Variants in DIAPH2 observed in about 807,000 individuals in gnomAD.
The protein encoded by DIAPH2 is diaphanous related formin 2, also known as protein diaphanous homolog 2.
Under a neutral mutation model 92.7 loss-of-function variants are expected in DIAPH2, and 35 were observed. The ratio of observed to expected loss-of-function variants is 0.38; its 90% CI spans 0.29 to 0.50. The LOEUF (loss-of-function observed/expected upper bound fraction) is 0.50. DIAPH2 is among the 20% of genes least tolerant of loss of function. The pLI, the probability that DIAPH2 is intolerant of heterozygous loss-of-function variation, is 0.94. For missense variants in DIAPH2, 701 were observed against 819.5 expected (o/e 0.86, Z 1.77); for synonymous variants, 301 against 280.4 (o/e 1.07, Z -0.73).
chrX:96,881,877 T>TA (rs1169081401), intron 5 of DIAPH2, among the ~76,000 whole-genome samples, 159 bp downstream of exon 5: 2 of 111,842 alleles, frequency 1.8e-5, no homozygotes, highest in Non-Finnish European at 3.8e-5. Flanking sequence ...CGTAAACTTT[T>TA]AAAAATATAT....
At chrX:97,160,325 A>G (rs112320534) in intron 22 of DIAPH2, among the ~76,000 whole-genome samples, 1,565 of 112,141 alleles carry the variant, frequency 0.014, 29 homozygotes, top group African/African-American at 0.049. Flanking sequence ...ATAGAACCGG[A>G]AGAGAACAGA....
chrX:96,708,657 G>A (rs1348129186), intron 1 of DIAPH2, among the ~76,000 whole-genome samples: 1 of 112,265 alleles, frequency 8.9e-6, no homozygotes, highest in East Asian at 2.8e-4. Context: ...ATTTTTGAAT[G>A]TACTTTATTG....
chrX:96,954,399 A>G (rs2065796420), intron 15 of DIAPH2, among the ~76,000 whole-genome samples: 1 of 112,379 alleles, frequency 8.9e-6, no homozygotes, highest in Admixed American at 9.4e-5. Flanking sequence ...AATCATCTCT[A>G]AAAAGAACAT....
At chrX:96,772,667 T>C (rs1426803434) in intron 4 of DIAPH2, among the ~76,000 whole-genome samples, 1 of 112,235 alleles carries the variant, frequency 8.9e-6, no homozygotes, top group South Asian at 3.7e-4. Flanking sequence ...ATTAATTGCA[T>C]GTGCTTTTAT....
chrX:96,732,938 GAGA>G (rs2064064678), intron 1 of DIAPH2, among the ~76,000 whole-genome samples: 1 of 112,147 alleles, frequency 8.9e-6, no homozygotes, highest in Non-Finnish European at 1.9e-5. Context: ...GGGATCATAA[GAGA>G]AGAAGTAGAA....
At chrX:97,284,141 T>C (rs2068520991) in intron 23 of DIAPH2, among the ~76,000 whole-genome samples, 2 of 111,365 alleles carry the variant, frequency 1.8e-5, no homozygotes, top group Admixed American at 1.9e-4. Context: ...AGAAGTTATT[T>C]ACCAACTTGT....
chrX:97,323,363 G>A (rs1301210308), intron 23 of DIAPH2, among the ~76,000 whole-genome samples: 1 of 103,453 alleles, frequency 9.7e-6, no homozygotes, highest in Non-Finnish European at 2.0e-5. Flanking sequence ...AGGCCGAGGC[G>A]GGCGGATCAC....
At chrX:97,390,339 C>T (rs2147739102) in intron 25 of DIAPH2, among the ~76,000 whole-genome samples, 1 of 105,102 alleles carries the variant, frequency 9.5e-6, no homozygotes, top group South Asian at 4.5e-4. Context: ...CCCACGTCAG[C>T]CTCCCCAGTA....
intron 1 of DIAPH2, among the ~76,000 whole-genome samples, chrX:96,725,355 A>G (rs2064014576): frequency 8.9e-6 from 1 of 112,050 alleles, no homozygotes; most frequent in African/African-American, 3.2e-5. Flanking sequence ...TCTGAAGCCC[A>G]TTGGGGGAAA....
intron 23 of DIAPH2, among the ~76,000 whole-genome samples, chrX:97,307,908 CAAAAAAAAAA>C (rs34217377): frequency 5.1e-4 from 33 of 64,837 alleles, no homozygotes; most frequent in African/African-American, 1.8e-3. Context: ...GACTCTGTCT[CAAAAAAAAAA>C]AAAAAAAAGA....
chrX:96,978,793 C>T (rs5921036), intron 17 of DIAPH2, among the ~76,000 whole-genome samples: 4,421 of 110,848 alleles, frequency 0.04, 105 homozygotes, highest in Middle Eastern at 0.085. Flanking sequence ...TTCAAAGTTC[C>T]TCACAAGGCT....
chrX:96,865,122 CAGA>C (rs756216812), intron 4 of DIAPH2, among the ~76,000 whole-genome samples: 1 of 111,948 alleles, frequency 8.9e-6, no homozygotes, highest in Non-Finnish European at 1.9e-5. Context: ...AGATAGTCAA[CAGA>C]AGAATAAACA....
intron 26 of DIAPH2, among the ~76,000 whole-genome samples, chrX:97,517,160 C>T (rs1420028319): frequency 1.8e-5 from 2 of 111,472 alleles, no homozygotes; most frequent in African/African-American, 3.3e-5. Flanking sequence ...ACCAGAGTCC[C>T]CATTCAAACA....
chrX:97,278,461 C>T (rs1415470768), intron 23 of DIAPH2, among the ~76,000 whole-genome samples: 1 of 111,143 alleles, frequency 9.0e-6, no homozygotes, highest in Non-Finnish European at 1.9e-5. Flanking sequence ...CCTAAAAATC[C>T]CCTATGCTCT....
intron 19 of DIAPH2, among the ~76,000 whole-genome samples, chrX:97,085,684 T>A (rs1369685733): frequency 1.8e-5 from 2 of 111,836 alleles, no homozygotes; most frequent in Non-Finnish European, 3.8e-5. Flanking sequence ...CCCAAAGTGC[T>A]AGGATTACAG....
At chrX:96,941,652 G>A (rs144521633) in intron 12 of DIAPH2, among the ~76,000 whole-genome samples, 4,349 of 111,067 alleles carry the variant, frequency 0.039, 102 homozygotes, top group Middle Eastern at 0.083. Flanking sequence ...CTGTGGATGC[G>A]TAGAACCATT....
chrX:96,835,403 G>A (rs151216902), intron 4 of DIAPH2, among the ~76,000 whole-genome samples: 287 of 111,788 alleles, frequency 2.6e-3, no homozygotes, highest in Non-Finnish European at 4.9e-3. Flanking sequence ...ATGGCTACCT[G>A]GGCTGACCCC....
chrX:97,519,817 C>A (rs997030774), intron 26 of DIAPH2, among the ~76,000 whole-genome samples: 2 of 111,050 alleles, frequency 1.8e-5, no homozygotes, highest in East Asian at 2.8e-4. Flanking sequence ...CCTCCTCCCC[C>A]CAGGGTCAAG....
intron 22 of DIAPH2, among the ~76,000 whole-genome samples, chrX:97,183,130 G>GT (rs1179707370): frequency 1.8e-5 from 2 of 111,929 alleles, no homozygotes; most frequent in African/African-American, 6.5e-5. Flanking sequence ...AGCAATCTAA[G>GT]TTTTTAAAAA....
Sources: gnomAD v4.1 joint callset for allele counts (sites outside exome capture counted in the v4.1 genomes callset) on GRCh38, gnomAD v4.1.1 for gene constraint, MANE v1.5 for transcripts, NCBI Gene and HGNC (gene_info 2026-07-23, HGNC 2026-07-21) for gene names.